Variants in PLAA observed in about 807,000 individuals in gnomAD.
The protein encoded by PLAA is phospholipase A2 activating protein.
In PLAA, 48 loss-of-function variants were observed where a neutral mutation model predicts 84.1. The observed-to-expected ratio is 0.57, with a 90% confidence interval of 0.45 to 0.73. The LOEUF (loss-of-function observed/expected upper bound fraction) is 0.73, where lower values mean the gene tolerates loss of function less well. PLAA is among the 30% of genes least tolerant of loss of function. The probability of loss-of-function intolerance (pLI) is 0.00; values close to 1 mark genes in which losing one functional copy is unlikely to be tolerated. For missense variants in PLAA, 903 were observed against 954.7 expected (o/e 0.95, Z 0.71); for synonymous variants, 392 against 336.6 (o/e 1.16, Z -1.80).
In PLAA at chr9:26,913,871, G is replaced by A. The variant is rs747382266; in HGVS notation, c.1555+8C>T. On this transcript the variant is annotated splice_region_variant and intron_variant, in intron 11 of 13. Coordinates refer to ENST00000397292, the MANE Select transcript of PLAA (RefSeq NM_001031689.3). Reference sequence around the variant, plus strand: ...TAAAAAAAAGAAAAAGAAATAAAAAGTATGTACCTGTAAATGGATCAACTC... The same window carrying A: ...TAAAAAAAAGAAAAAGAAATAAAAAATATGTACCTGTAAATGGATCAACTC... 1 of 1,576,650 alleles carries A rather than the reference G, an allele frequency of 6.3e-7. No individual in the cohort carries two copies. The highest frequency in any genetic ancestry group is 1.2e-5 in the South Asian group (1 of 86,716).
chr9:26,946,982 G>T lies in PLAA; in HGVS notation c.64C>A (p.Arg22=). The change falls in exon 1 of 14, where the codon CGG becomes AGG. Residue 22 remains arginine, a synonymous_variant. Coordinates refer to ENST00000397292, the MANE Select transcript of PLAA (RefSeq NM_001031689.3). ...CSLRGHELDV[R]GLVCCAYPPG... Reference sequence around the variant, plus strand: ...GGATAGGCGCAGCACACCAGGCCCCGTACGTCCAGCTCGTGGCCCCGGAGC... The same window carrying T: ...GGATAGGCGCAGCACACCAGGCCCCTTACGTCCAGCTCGTGGCCCCGGAGC... 6.3e-7 allele frequency: 1 copy of T among 1,593,584 alleles called. No homozygotes were observed. Among genetic ancestry groups the T allele is most frequent in the South Asian group, 1.1e-5 (1 of 87,738 alleles).
chr9:26,917,939 A>G (rs1000216834), intron 9 of PLAA, among the ~76,000 whole-genome samples: 5 of 152,230 alleles, frequency 3.3e-5, no homozygotes, highest in Admixed American at 3.3e-4. Flanking sequence ...TGTATCCCAC[A>G]TGCAAAATAG....
Position 26,908,016 on chromosome 9 carries a change from A to T in PLAA, c.1658-18T>A, listed in dbSNP as rs1032464491. 6.4e-7 allele frequency: 1 copy of T among 1,560,206 alleles called. No individual in the cohort carries two copies. On this transcript the variant is annotated intron_variant, in intron 12 of 13. Transcript: ENST00000397292. ...CAGTTTACCTAGAACCCAAAACCAAACTTTCAAAATTCTCTAACTGTAATT... is the reference window on the plus strand; with the variant it reads ...CAGTTTACCTAGAACCCAAAACCAATCTTTCAAAATTCTCTAACTGTAATT...
In PLAA at chr9:26,904,454, C is replaced by G. The variant is rs1824168555; in HGVS notation, c.*1057G>C. Reference sequence around the variant, plus strand: ...GGATGTTCACACACATCTGTGATCTCTCTAGAAAGTATAGCATAGCATGTA... The same window carrying G: ...GGATGTTCACACACATCTGTGATCTGTCTAGAAAGTATAGCATAGCATGTA... On this transcript the variant is annotated 3_prime_UTR_variant, in exon 14 of 14. Transcript: ENST00000397292. 1 of 152,096 alleles carries G rather than the reference C, an allele frequency of 6.6e-6. No individual in the cohort carries two copies. Among genetic ancestry groups the G allele is most frequent in the Non-Finnish European group, 1.5e-5 (1 of 67,980 alleles). The allele number at this position is 152,096 out of a possible 1,614,324, so 9.4% of individuals were successfully genotyped here.
chr9:26,907,681 T>C, intron 13 of PLAA, 153 bp downstream of exon 13: 1 of 597,200 alleles, frequency 1.7e-6, no homozygotes, highest in South Asian at 2.4e-5. Context: ...TCAATTCCAG[T>C]AGTGTAGTGA....
At chr9:26,916,758 C>T (rs933331193) in intron 10 of PLAA, 15 of 846,982 alleles carry the variant, frequency 1.8e-5, no homozygotes, top group Non-Finnish European at 4.3e-6. Flanking sequence ...AACTTGCCAA[C>T]TTCTCATAGC....
At chr9:26,930,073 G>A (rs1825125428) in intron 2 of PLAA, among the ~76,000 whole-genome samples, 1 of 151,332 alleles carries the variant, frequency 6.6e-6, no homozygotes, top group African/African-American at 2.4e-5. Context: ...GAAGGCACAT[G>A]CTTTTAAAAG....
intron 1 of PLAA, among the ~76,000 whole-genome samples, chr9:26,946,067 G>A (rs920478278): frequency 6.6e-6 from 1 of 152,144 alleles, no homozygotes; most frequent in Admixed American, 6.5e-5. Context: ...GCACTCAACA[G>A]TTATCAACTG....
intron 4 of PLAA, among the ~76,000 whole-genome samples, 195 bp downstream of exon 4, chr9:26,927,905 C>T (rs531300732): frequency 8.5e-5 from 13 of 152,292 alleles, no homozygotes; most frequent in African/African-American, 3.1e-4. Flanking sequence ...CTACATTTGG[C>T]TGTTTTATGA....
intron 2 of PLAA, among the ~76,000 whole-genome samples, chr9:26,930,072 T>C (rs893106747): frequency 6.6e-6 from 1 of 151,964 alleles, no homozygotes; most frequent in African/African-American, 2.4e-5. Context: ...GGAAGGCACA[T>C]GCTTTTAAAA....
intron 11 of PLAA, among the ~76,000 whole-genome samples, chr9:26,911,678 G>A (rs1409789490): frequency 6.6e-6 from 1 of 152,158 alleles, no homozygotes; most frequent in Admixed American, 6.5e-5. Context: ...ACTGGCAAAT[G>A]ATGAAAATTC....
At chr9:26,923,826 T>C (rs2131388202) in intron 6 of PLAA, among the ~76,000 whole-genome samples, 1 of 152,322 alleles carries the variant, frequency 6.6e-6, no homozygotes, top group South Asian at 2.1e-4. Context: ...AATGTTTGGA[T>C]TAGATGGCCG....
intron 1 of PLAA, among the ~76,000 whole-genome samples, chr9:26,944,131 TAG>T (rs1361229572): frequency 4.6e-5 from 7 of 152,144 alleles, no homozygotes; most frequent in African/African-American, 4.8e-5. Context: ...GGGACTGGGT[TAG>T]AGAGTGGCTT....
At chr9:26,916,910 G>T (rs62544440) in intron 10 of PLAA, among the ~76,000 whole-genome samples, 187 bp downstream of exon 10, 7,286 of 149,630 alleles carry the variant, frequency 0.049, 261 homozygotes, top group Middle Eastern at 0.15. Context: ...AGTCACGAGG[G>T]AATCTACACA....
At chr9:26,939,185 G>A (rs1351799072) in intron 1 of PLAA, among the ~76,000 whole-genome samples, 2 of 151,946 alleles carry the variant, frequency 1.3e-5, no homozygotes, top group Non-Finnish European at 2.9e-5. Flanking sequence ...TCAGGAGATC[G>A]GGACTATCCT....
At chr9:26,944,594 A>T (rs55921416) in intron 1 of PLAA, among the ~76,000 whole-genome samples, 1,735 of 135,248 alleles carry the variant, frequency 0.013, 27 homozygotes, top group African/African-American at 0.041. Flanking sequence ...GAGCATTTTT[A>T]AAAAAATCAC....
intron 13 of PLAA, among the ~76,000 whole-genome samples, chr9:26,906,632 T>C: frequency 6.6e-6 from 1 of 152,024 alleles, no homozygotes. Flanking sequence ...TTCATCATAT[T>C]GGTCAGGCTG....
At position 26,915,961 on chromosome 9, in the gene PLAA, T is replaced by A. The variant is rs1457405226; in HGVS notation, c.1486+1136A>T. On this transcript the variant is annotated intron_variant, in intron 10 of 13. Coordinates refer to ENST00000397292, the MANE Select transcript of PLAA (RefSeq NM_001031689.3). ...CCATCTTATCTACTCTTCAGATCCT[T>A]ACTACCATTTGAAATCACATTATGT... 6.1e-6 allele frequency: 6 copies of A among 985,344 alleles called. No individual in the cohort carries two copies. The African/African-American group carries it at 1.0e-4, about 17-fold the overall frequency. The allele number at this position is 985,344 out of a possible 1,614,324, so 61.0% of individuals were successfully genotyped here. A position where few individuals can be genotyped will look rare whatever the true frequency, so the allele number is the denominator to read the frequency against.
At chr9:26,926,091 T>C (rs1019680327) in intron 5 of PLAA, 131 bp from the exon 6 acceptor site, 1 of 715,942 alleles carries the variant, frequency 1.4e-6, no homozygotes, top group Non-Finnish European at 2.3e-6. Context: ...TTTCATATGT[T>C]TGTCACTTAC....
Sources: allele counts gnomAD v4.1 joint callset (sites outside exome capture counted in the v4.1 genomes callset), GRCh38; gene constraint gnomAD v4.1.1; transcripts MANE v1.5; gene names NCBI Gene and HGNC (gene_info 2026-07-23, HGNC 2026-07-21).